The following CCDC170 variants were observed in gnomAD, a reference collection of about 807,000 sequenced individuals.
The protein encoded by CCDC170 is coiled-coil domain-containing protein 170.
Under a neutral mutation model 72.6 loss-of-function variants are expected in CCDC170, and 69 were observed. That is an observed-to-expected ratio of 0.95 (90% CI 0.78 to 1.16). CCDC170 has a LOEUF of 1.16. Ranked by LOEUF, CCDC170 falls within the 50% of genes most tolerant of loss-of-function variation. The pLI, the probability that CCDC170 is intolerant of heterozygous loss-of-function variation, is 0.00. For synonymous variants in CCDC170, 300 were observed against 303.9 expected, an observed-to-expected ratio of 0.99 and a Z score of 0.13; for missense variants, 852 against 832.5, an observed-to-expected ratio of 1.02 and a Z score of -0.29.
intron 5 of CCDC170, among the ~76,000 whole-genome samples, chr6:151,549,401 A>T (rs1335206198): frequency 6.6e-6 from 1 of 152,202 alleles, no homozygotes; most frequent in Non-Finnish European, 1.5e-5. Context: ...TGTAGAGAAG[A>T]TGTCTTACTT....
rs577408125 is a variant in CCDC170 at position 151,593,527 on chromosome 6, T to G, written c.1467+247T>G. 2.6e-5 allele frequency among the ~76,000 whole-genome samples: 4 copies of G among 152,160 alleles called. No homozygotes were observed. The South Asian group carries it at 8.3e-4, about 32-fold the overall frequency. On this transcript the variant is annotated intron_variant, in intron 8 of 10. Coordinates refer to ENST00000239374, the MANE Select transcript of CCDC170 (RefSeq NM_025059.4). Reference sequence around the variant, plus strand: ...CAGTGACTTAAGCAAGTAAAAGTTTTTTGTTGTTGTTGTTTGTTTGTTTTT... The same window carrying G: ...CAGTGACTTAAGCAAGTAAAAGTTTGTTGTTGTTGTTGTTTGTTTGTTTTT...
At position 151,596,360 on chromosome 6, in the gene CCDC170, A is replaced by G. The variant is rs746229878; in HGVS notation, c.1493A>G (p.Glu498Gly). Residue 498 changes from glutamate (E) to glycine (G), a missense_variant, in exon 9 of 11, where the codon GAG becomes GGG. Physicochemically the swap from Glu to Gly is moderately conservative, Grantham distance 98. Coordinates refer to ENST00000239374, the MANE Select transcript of CCDC170 (RefSeq NM_025059.4). ...RKLKTQKERL[E>G]SKELHMSLLR... ...CTAAAGACACAGAAAGAGAGACTGGAGAGCAAAGAATTACACATGAGCCTC... is the reference window on the plus strand; with the variant it reads ...CTAAAGACACAGAAAGAGAGACTGGGGAGCAAAGAATTACACATGAGCCTC... The G allele has an allele frequency of 1.2e-6, 2 of 1,613,724 alleles. No individual in the cohort carries two copies. The highest frequency in any genetic ancestry group is 1.7e-6 in the Non-Finnish European group (2 of 1,179,914).
chr6:151,517,784 T>A (rs1032859691), intron 1 of CCDC170, among the ~76,000 whole-genome samples: 1 of 152,122 alleles, frequency 6.6e-6, no homozygotes, highest in African/African-American at 2.4e-5. Context: ...GTGACTCATG[T>A]CTGTCGACTT....
intron 3 of CCDC170, among the ~76,000 whole-genome samples, chr6:151,543,217 A>C (rs546242463): frequency 5.3e-5 from 8 of 152,266 alleles, no homozygotes; most frequent in Admixed American, 2.0e-4. Context: ...CAACAAACCT[A>C]TCTGAGATTT....
Position 151,544,595 on chromosome 6 carries a change from A to T in CCDC170, c.467A>T (p.Glu156Val). 1 of 1,612,876 alleles carries T rather than the reference A, an allele frequency of 6.2e-7. No individual in the cohort carries two copies. Among genetic ancestry groups the T allele is most frequent in the Non-Finnish European group, 8.5e-7 (1 of 1,178,986 alleles). Residue 156 changes from glutamate to valine, a missense_variant, in exon 4 of 11, where the codon GAG (glutamate) becomes GTG (valine). Glu to Val is a moderately radical substitution (Grantham distance 121, BLOSUM62 -2). Transcript: ENST00000239374. ...AGAAAGTGTTCAAAAGAAAATGAGG[A>T]GAATAAGAAACAAGTTTCAAAGAAT... ...KLQKCSKENE[E>V]NKKQVSKNCR...
intron 6 of CCDC170, among the ~76,000 whole-genome samples, chr6:151,585,070 G>T (rs911645342): frequency 2.6e-5 from 4 of 152,162 alleles, no homozygotes; most frequent in Non-Finnish European, 4.4e-5. Context: ...AGTAAAATCA[G>T]TTTGAGTTTT....
At chr6:151,608,288 A>G (rs760263738) in intron 9 of CCDC170, among the ~76,000 whole-genome samples, 1 of 152,100 alleles carries the variant, frequency 6.6e-6, no homozygotes, top group Non-Finnish European at 1.5e-5. Context: ...CATGATTTGA[A>G]TTCTTTGTCA....
intron 7 of CCDC170, among the ~76,000 whole-genome samples, chr6:151,586,718 C>T (rs1441113165): frequency 4.6e-5 from 7 of 151,768 alleles, no homozygotes; most frequent in Non-Finnish European, 1.0e-4. Flanking sequence ...GTGTTCTTTA[C>T]TCTGTAGAAT....
At chr6:151,541,647 A>AT (rs963411451) in intron 3 of CCDC170, among the ~76,000 whole-genome samples, 1 of 151,862 alleles carries the variant, frequency 6.6e-6, no homozygotes, top group African/African-American at 2.4e-5. Context: ...TGTAAAAAAT[A>AT]TTTTTTATAC....
At chr6:151,536,203 G>A (rs1583014815) in intron 1 of CCDC170, 115 bp from the exon 2 acceptor site, 2 of 1,204,958 alleles carry the variant, frequency 1.7e-6, no homozygotes, top group Non-Finnish European at 2.4e-6. Flanking sequence ...TAGCATGTTT[G>A]ACATATTTGG....
intron 6 of CCDC170, among the ~76,000 whole-genome samples, chr6:151,578,449 G>A (rs1232743295): frequency 6.6e-6 from 1 of 152,110 alleles, no homozygotes; most frequent in Non-Finnish European, 1.5e-5. Context: ...TGTTCACATT[G>A]CCTTCCTCTA....
At chr6:151,552,953 A>C (rs768584138) in intron 5 of CCDC170, among the ~76,000 whole-genome samples, 1 of 151,408 alleles carries the variant, frequency 6.6e-6, no homozygotes, top group Non-Finnish European at 1.5e-5. Context: ...TGCTTGGCTA[A>C]TTTTTTGTAT....
At chr6:151,497,347 C>T (rs1453379790) in intron 1 of CCDC170, among the ~76,000 whole-genome samples, 2 of 152,022 alleles carry the variant, frequency 1.3e-5, no homozygotes, top group South Asian at 2.1e-4. Context: ...CACTACTGCA[C>T]CCCAGCCTGG....
chr6:151,543,532 C>T (rs1782724682), intron 3 of CCDC170, among the ~76,000 whole-genome samples: 4 of 152,112 alleles, frequency 2.6e-5, no homozygotes, highest in Non-Finnish European at 4.4e-5. Context: ...TGCTACAGAA[C>T]ACTAGAACTT....
At chr6:151,596,898 C>T (rs1776634619) in intron 9 of CCDC170, among the ~76,000 whole-genome samples, 2 of 152,170 alleles carry the variant, frequency 1.3e-5, no homozygotes, top group African/African-American at 4.8e-5. Context: ...GTGATCTTGG[C>T]TCACCACAAC....
intron 9 of CCDC170, among the ~76,000 whole-genome samples, chr6:151,613,211 CTGGCCAGCA>C (rs1018776600): frequency 3.3e-5 from 5 of 152,138 alleles, no homozygotes; most frequent in Non-Finnish European, 7.3e-5. Flanking sequence ...CAAGACCAGC[CTGGCCAGCA>C]TGGCAATACC....
intron 1 of CCDC170, among the ~76,000 whole-genome samples, chr6:151,506,337 C>T (rs1016597466): frequency 2.0e-5 from 3 of 152,196 alleles, no homozygotes; most frequent in Admixed American, 1.3e-4. Flanking sequence ...GTGTTTCTTT[C>T]TGATAGTAAT....
At chr6:151,597,642 T>A (rs1431020513) in intron 9 of CCDC170, among the ~76,000 whole-genome samples, 1 of 152,160 alleles carries the variant, frequency 6.6e-6, no homozygotes, top group Non-Finnish European at 1.5e-5. Context: ...GTGGAGAAGG[T>A]CACCAGAACT....
intron 1 of CCDC170, among the ~76,000 whole-genome samples, chr6:151,506,583 T>A (rs1782069896): frequency 6.6e-6 from 1 of 152,260 alleles, no homozygotes; most frequent in African/African-American, 2.4e-5. Flanking sequence ...CCTTCTCCAA[T>A]CCTGGCAGGG....
Sources: allele counts gnomAD v4.1 joint callset (sites outside exome capture counted in the v4.1 genomes callset), GRCh38; gene constraint gnomAD v4.1.1; transcripts MANE v1.5; gene names NCBI Gene and HGNC (gene_info 2026-07-23, HGNC 2026-07-21).